The following GPR158 variants were observed in gnomAD, a reference collection of about 807,000 sequenced individuals.
GPR158 encodes metabotropic glycine receptor.
In GPR158, 30 loss-of-function variants were observed where a neutral mutation model predicts 78.2. The ratio of observed to expected loss-of-function variants is 0.38; its 90% confidence interval spans 0.29 to 0.52. The LOEUF is 0.52. Ranked by LOEUF, GPR158 falls within the 20% of genes least tolerant of loss-of-function variation. The pLI is 0.83. For missense variants in GPR158, 1,463 were observed against 1,523.5 expected (o/e 0.96, Z 0.66); for synonymous variants, 581 against 591.1 (o/e 0.98, Z 0.25).
chr10:25,565,182 C>CTAAT (rs141986526), intron 6 of GPR158, among the ~76,000 whole-genome samples: 2,310 of 152,290 alleles, frequency 0.015, 46 homozygotes, highest in African/African-American at 0.053. Context: ...ACATGTTTAA[C>CTAAT]TAATTGGTCA....
chr10:25,250,625 G>A (rs903435500), intron 2 of GPR158, among the ~76,000 whole-genome samples: 1 of 150,056 alleles, frequency 6.7e-6, no homozygotes, highest in African/African-American at 2.5e-5. Flanking sequence ...GAGCGGCTTT[G>A]AGTGAGATTC....
intron 5 of GPR158, among the ~76,000 whole-genome samples, chr10:25,469,094 G>A (rs779902043): frequency 1.2e-4 from 18 of 152,120 alleles, no homozygotes; most frequent in Non-Finnish European, 1.9e-4. Flanking sequence ...ATCTCAGCCT[G>A]CTTTGTTGAT....
At chr10:25,590,977 G>A (rs975251908) in intron 8 of GPR158, among the ~76,000 whole-genome samples, 1 of 151,968 alleles carries the variant, frequency 6.6e-6, no homozygotes, top group African/African-American at 2.4e-5. Context: ...GTTCTTTCAG[G>A]AGTAGGCATG....
intron 2 of GPR158, among the ~76,000 whole-genome samples, chr10:25,246,203 C>G (rs1411344841): frequency 6.6e-6 from 1 of 152,142 alleles, no homozygotes; most frequent in Non-Finnish European, 1.5e-5. Flanking sequence ...AGGGCTTGTT[C>G]TTTCTGAGCA....
intron 2 of GPR158, among the ~76,000 whole-genome samples, chr10:25,267,162 T>G (rs114213303): frequency 0.01 from 1,541 of 152,178 alleles, 22 homozygotes; most frequent in South Asian, 0.057. Context: ...ACAATCAGGG[T>G]GTATTAGTCC....
At chr10:25,367,098 T>C (rs542314941) in intron 2 of GPR158, among the ~76,000 whole-genome samples, 1 of 151,800 alleles carries the variant, frequency 6.6e-6, no homozygotes, top group Admixed American at 6.6e-5. Flanking sequence ...TTTTTCTTCT[T>C]TGTTATATGT....
At chr10:25,576,207 C>A (rs1002066251) in intron 7 of GPR158, among the ~76,000 whole-genome samples, 2 of 152,246 alleles carry the variant, frequency 1.3e-5, no homozygotes, top group Middle Eastern at 3.4e-3. Flanking sequence ...TATCCCCTAA[C>A]CCCTTCTGAG....
chr10:25,462,245 T>C (rs532214923), intron 4 of GPR158, among the ~76,000 whole-genome samples: 1 of 152,348 alleles, frequency 6.6e-6, no homozygotes, highest in South Asian at 2.1e-4. Flanking sequence ...AAAGCTTGGA[T>C]GTGATAGCAC....
intron 2 of GPR158, among the ~76,000 whole-genome samples, chr10:25,240,348 A>C (rs1281328088): frequency 3.9e-5 from 6 of 152,214 alleles, no homozygotes. Context: ...GTCTCTACTG[A>C]AAATACAAAA....
intron 5 of GPR158, among the ~76,000 whole-genome samples, chr10:25,521,613 A>G (rs943870740): frequency 1.3e-5 from 2 of 152,142 alleles, no homozygotes; most frequent in Non-Finnish European, 2.9e-5. Context: ...TTGTATTGTC[A>G]TATTACCAGA....
chr10:25,241,165 CTTTCTTTCTTTCTTT>C (rs1853604905), intron 2 of GPR158, among the ~76,000 whole-genome samples: 3 of 120,902 alleles, frequency 2.5e-5, no homozygotes, highest in East Asian at 2.5e-4. Context: ...TTCTTTCTTT[CTTTCTTTCTTTCTTT>C]CTTTCTTTCC....
chr10:25,368,313 C>G (rs1436586092), intron 2 of GPR158, among the ~76,000 whole-genome samples: 1 of 151,864 alleles, frequency 6.6e-6, no homozygotes, highest in Admixed American at 6.6e-5. Context: ...AGACAACCTA[C>G]AGAATGGGAG....
At chr10:25,213,043 C>T (rs1478035808) in intron 1 of GPR158, among the ~76,000 whole-genome samples, 1 of 152,100 alleles carries the variant, frequency 6.6e-6, no homozygotes, top group African/African-American at 2.4e-5. Flanking sequence ...ATCCAGCAAC[C>T]TTACTGAACT....
chr10:25,297,348 A>G (rs1336648322), intron 2 of GPR158, among the ~76,000 whole-genome samples: 1 of 152,198 alleles, frequency 6.6e-6, no homozygotes, highest in Non-Finnish European at 1.5e-5. Context: ...AAGGTTTGAC[A>G]TTGGTCTTAA....
intron 6 of GPR158, among the ~76,000 whole-genome samples, chr10:25,554,804 C>T (rs1376602190): frequency 6.6e-6 from 1 of 152,074 alleles, no homozygotes; most frequent in East Asian, 1.9e-4. Flanking sequence ...TTTGTCACTG[C>T]CATTGTTTAG....
intron 2 of GPR158, among the ~76,000 whole-genome samples, chr10:25,267,618 CTT>C (rs1321893082): frequency 6.6e-6 from 1 of 152,060 alleles, no homozygotes. Flanking sequence ...ATTTTGGAAT[CTT>C]ATGTAAAAAA....
intron 6 of GPR158, among the ~76,000 whole-genome samples, chr10:25,553,653 C>T (rs1041058683): frequency 1.3e-5 from 2 of 152,008 alleles, no homozygotes; most frequent in African/African-American, 2.4e-5. Context: ...GTTGAATGAA[C>T]GAATGGGTGG....
At chr10:25,338,585 A>ATTATATATAATAATATATATAATATG (rs1564426398) in intron 2 of GPR158, among the ~76,000 whole-genome samples, 3 of 146,478 alleles carry the variant, frequency 2.0e-5, no homozygotes, top group Non-Finnish European at 4.5e-5. Context: ...TATATAATAC[A>ATTATATATAATAATATATATAATATG]TATTATATAT....
rs1837483331 is a variant in GPR158, at chr10:25,600,575, G to GTATTT, written c.*1302_*1306dup. ...ATACAGTATTTTAAAATACCTTAAA[G>GTATTT]TATTTATTCTCATAAACTCTTATTC... On this transcript the variant is annotated 3_prime_UTR_variant, in exon 11 of 11. Coordinates refer to ENST00000376351, the MANE Select transcript of GPR158 (RefSeq NM_020752.3). 1 of 152,394 alleles carries GTATTT rather than the reference G, an allele frequency of 6.6e-6. No homozygotes were observed. The highest frequency in any genetic ancestry group is 1.9e-4 in the East Asian group (1 of 5,196). The allele number at this position is 152,394 out of a possible 1,614,324, so 9.4% of individuals were successfully genotyped here.
Sources: gnomAD v4.1 joint callset for allele counts (sites outside exome capture counted in the v4.1 genomes callset) on GRCh38, gnomAD v4.1.1 for gene constraint, MANE v1.5 for transcripts, NCBI Gene and HGNC (gene_info 2026-07-23, HGNC 2026-07-21) for gene names.